The following COG8 variants were observed in gnomAD, a reference collection of about 807,000 sequenced individuals.
The protein encoded by COG8 is conserved oligomeric Golgi complex subunit 8.
COG8 carries 45 observed loss-of-function variants against 46.5 expected under a neutral mutation model. The ratio of observed to expected loss-of-function variants is 0.97; its 90% CI spans 0.76 to 1.24. The LOEUF (loss-of-function observed/expected upper bound fraction) is 1.24, where lower values mean the gene tolerates loss of function less well. Ranked by LOEUF, COG8 falls within the 50% of genes most tolerant of loss-of-function variation. The pLI, the probability that COG8 is intolerant of heterozygous loss-of-function variation, is 0.00. For missense variants in COG8, 793 were observed against 820.8 expected (o/e 0.97, Z 0.41); for synonymous variants, 407 against 347.8 (o/e 1.17, Z -1.90).
At chr16:69,338,620 C>T (rs1317054964) in intron 1 of COG8, 1 of 153,640 alleles carries the variant, frequency 6.5e-6, no homozygotes, top group African/African-American at 2.4e-5. Context: ...TCTGGGTAAC[C>T]AGTTCTGAAT....
rs1382350701 is a variant in COG8 at position 69,326,781 on chromosome 16, T to C, written c.*2425A>G. On this transcript the variant is annotated 3_prime_UTR_variant, in exon 6 of 6. Coordinates refer to ENST00000306875, the MANE Select transcript of COG8 (RefSeq NM_032382.5). ...ACTTCTCTGCCTGGGGATTCTGTTA[T>C]AAACCTTCTGCCTACATTGGCTTTC... is the stretch of plus-strand genomic sequence containing the variant. 6.6e-6 allele frequency: 1 copy of C among 152,266 alleles called. No homozygotes were observed. The highest frequency in any genetic ancestry group is 1.5e-5 in the Non-Finnish European group (1 of 68,042). 9.4% of individuals were successfully genotyped at this position (152,266 alleles called of 1,614,324 possible).
At position 69,329,055 on chromosome 16, in the gene COG8, G is replaced by A. The variant is rs764523083; in HGVS notation, c.*151C>T. The A allele has an allele frequency of 5.0e-6, 8 of 1,611,464 alleles. No individual in the cohort carries two copies. In the South Asian group the frequency reaches 8.8e-5, roughly 18 times the overall value. On this transcript the variant is annotated 3_prime_UTR_variant, in exon 6 of 6. Coordinates refer to ENST00000306875, the MANE Select transcript of COG8 (RefSeq NM_032382.5). ...TCACCTTCATCCAATAGACGTTTGT[G>A]AACGTCCTGCTGTCCATTTTGTCAA...
chr16:69,333,348 TG>T (rs1236436729), intron 3 of COG8, among the ~76,000 whole-genome samples: 2 of 152,124 alleles, frequency 1.3e-5, no homozygotes, highest in African/African-American at 4.8e-5. Flanking sequence ...TAAAATTTTT[TG>T]TAGAGACAGG....
rs1965618771 is a variant in COG8, at chr16:69,327,168, T to TTG, written c.*2037_*2038insCA. 7.2e-6 allele frequency: 1 copy of TTG among 139,372 alleles called. No homozygotes were observed. The highest frequency in any genetic ancestry group is 1.5e-5 in the Non-Finnish European group (1 of 65,014). The allele number at this position is 139,372 out of a possible 1,614,324, so 8.6% of individuals were successfully genotyped here. On this transcript the variant is annotated 3_prime_UTR_variant, in exon 6 of 6. Coordinates refer to ENST00000306875, the MANE Select transcript of COG8 (RefSeq NM_032382.5). ...TATCTGGTTGGGATTCCCTTTTTTT[T>TTG]TTTTTTTTTTTTTTTTTGAGACAGA...
chr16:69,330,788 A>C, intron 5 of COG8, 25 bp downstream of exon 5: 2 of 1,505,218 alleles, frequency 1.3e-6, no homozygotes, highest in South Asian at 2.6e-5. Flanking sequence ...AGTCCTGGCC[A>C]CCCCGCGCCG....
chr16:69,330,018 A>G (rs1026405001), intron 5 of COG8: 1 of 1,540,650 alleles, frequency 6.5e-7, no homozygotes, highest in Non-Finnish European at 8.7e-7. Flanking sequence ...ACCGCCTGGA[A>G]GCGGGGCACG....
At chr16:69,330,567 C>A in intron 5 of COG8, 2 of 1,459,482 alleles carry the variant, frequency 1.4e-6, no homozygotes, top group Non-Finnish European at 1.8e-6. Flanking sequence ...CACAGCCGGG[C>A]CATGGCGGCC....
intron 5 of COG8, chr16:69,330,011 G>A (rs1385759502): frequency 1.9e-6 from 3 of 1,538,966 alleles, no homozygotes; most frequent in South Asian, 1.2e-5. Flanking sequence ...GATCTGCACC[G>A]CCTGGAAGCG....
intron 4 of COG8, among the ~76,000 whole-genome samples, chr16:69,331,689 G>T (rs1232403528): frequency 6.6e-6 from 1 of 151,884 alleles, no homozygotes; most frequent in East Asian, 2.0e-4. Context: ...TTTTAGTAGA[G>T]ACGGAGTTAC....
intron 5 of COG8, chr16:69,329,959 C>A: frequency 6.7e-7 from 1 of 1,494,614 alleles, no homozygotes; most frequent in African/African-American, 1.5e-5. Flanking sequence ...AAGAGACGCG[C>A]GCGCTGCTCC....
In COG8 at chr16:69,327,413, C is replaced by T. The variant is rs2143287816; in HGVS notation, c.*1793G>A. 6.6e-6 allele frequency: 1 copy of T among 152,116 alleles called. No individual in the cohort carries two copies. The highest frequency in any genetic ancestry group is 2.4e-5 in the African/African-American group (1 of 41,480). The allele number at this position is 152,116 out of a possible 1,614,324, so 9.4% of individuals were successfully genotyped here. On this transcript the variant is annotated 3_prime_UTR_variant, in exon 6 of 6. Coordinates refer to ENST00000306875, the MANE Select transcript of COG8 (RefSeq NM_032382.5). ...GAACTCCTGACCTCAGGTGATCTGC[C>T]TGCCTTGACCTCCCAAAGTGCTGGG...
intron 1 of COG8, among the ~76,000 whole-genome samples, chr16:69,338,887 G>A (rs2012361739): frequency 6.6e-6 from 1 of 152,190 alleles, no homozygotes; most frequent in African/African-American, 2.4e-5. Context: ...CTACTCAGGA[G>A]GCTGAGGCAG....
At position 69,334,992 on chromosome 16, in the gene COG8, G is replaced by A. The variant is rs1490725958; in HGVS notation, c.942C>T (p.Ile314=). 6.8e-6 allele frequency: 11 copies of A among 1,614,230 alleles called. No homozygotes were observed. In the East Asian group the frequency reaches 2.2e-4, roughly 33 times the overall value. The change falls in exon 3 of 6, where the codon ATC becomes ATT. Residue 314 remains isoleucine, a synonymous_variant. Coordinates refer to ENST00000306875, the MANE Select transcript of COG8 (RefSeq NM_032382.5). ...CCTTCTGTAGCACCCAGCCATGGAA[G>A]ATGGCACTCTCATTCACAGTGTGCT... The part of the protein sequence containing the change: ...MGEHTVNESA[I]FHGWVLQKVS...
intron 3 of COG8, among the ~76,000 whole-genome samples, chr16:69,333,309 G>C (rs1179940207): frequency 6.6e-6 from 1 of 152,038 alleles, no homozygotes; most frequent in African/African-American, 2.4e-5. Context: ...TGGGACTACA[G>C]GCGTGCACCA....
chr16:69,338,803 C>A (rs2012354502), intron 1 of COG8, among the ~76,000 whole-genome samples: 2 of 152,200 alleles, frequency 1.3e-5, no homozygotes, highest in South Asian at 4.1e-4. Context: ...TCCCAGCCAA[C>A]ATGCTGAAAC....
At chr16:69,332,033 G>A (rs72795275) in intron 4 of COG8, among the ~76,000 whole-genome samples, 9,192 of 152,212 alleles carry the variant, frequency 0.06, 294 homozygotes, top group South Asian at 0.083. Flanking sequence ...CTACCACAAA[G>A]GGACAAGGAC....
intron 5 of COG8, chr16:69,330,596 C>A: frequency 2.1e-6 from 3 of 1,420,278 alleles, no homozygotes; most frequent in Admixed American, 3.3e-5. Context: ...AGTGACCCGG[C>A]CCGCCCCTTC....
At chr16:69,332,937 C>T in intron 3 of COG8, 55 bp from the exon 4 acceptor site, 1 of 1,591,678 alleles carries the variant, frequency 6.3e-7, no homozygotes, top group Non-Finnish European at 8.6e-7. Context: ...ACTGGGACAG[C>T]AGTGCATGAA....
chr16:69,331,453 CA>C lies in COG8; in HGVS notation c.1583-359del, dbSNP rs1185929938. Among the ~76,000 whole-genome samples, 296 of 61,264 alleles carry C rather than the reference CA, an allele frequency of 4.8e-3. No individual in the cohort carries two copies. In the East Asian group the frequency reaches 0.086, roughly 18 times the overall value. The allele number at this position is 61,264 out of a possible 152,430, so 40.2% of individuals were successfully genotyped here. ...GGGCCACAAGAGCAAAACTCCGTCTCAAAAAAAAAAAAAAAAAAAAAAAAGG... is the reference window on the plus strand; with the variant it reads ...GGGCCACAAGAGCAAAACTCCGTCTCAAAAAAAAAAAAAAAAAAAAAAAGG... On this transcript the variant is annotated intron_variant, in intron 4 of 5. Coordinates refer to ENST00000306875, the MANE Select transcript of COG8 (RefSeq NM_032382.5).
Sources: allele counts gnomAD v4.1 joint callset (sites outside exome capture counted in the v4.1 genomes callset), GRCh38; gene constraint gnomAD v4.1.1; transcripts MANE v1.5; gene names NCBI Gene and HGNC (gene_info 2026-07-23, HGNC 2026-07-21).